The following SLC37A3 variants were observed in gnomAD, a reference collection of about 807,000 sequenced individuals.
SLC37A3 encodes the protein solute carrier family 37 member 3.
Under a neutral mutation model 67.1 loss-of-function variants are expected in SLC37A3, and 51 were observed. The observed-to-expected ratio is 0.76, with a 90% CI of 0.61 to 0.96. The LOEUF (loss-of-function observed/expected upper bound fraction) is 0.96. Ranked by LOEUF, SLC37A3 falls within the 40% of genes least tolerant of loss-of-function variation. The pLI is 0.00. For synonymous variants in SLC37A3, 214 were observed against 231.4 expected (o/e 0.92, Z 0.68); for missense variants, 508 against 603.0 (o/e 0.84, Z 1.65).
At position 140,349,121 on chromosome 7, in the gene SLC37A3, A is replaced by G. The variant is rs189695004; in HGVS notation, c.883-354T>C. On this transcript the variant is annotated intron_variant, in intron 9 of 14. Coordinates refer to ENST00000326232, the MANE Select transcript of SLC37A3 (RefSeq NM_207113.3). ...TACCCATATTTCTTTATTCACACAA[A>G]GAGGAATGGTATTCATGCCACTAAC... 2.3e-3 allele frequency among the ~76,000 whole-genome samples: 355 copies of G among 152,310 alleles called. 3 individuals are homozygous for G. Among genetic ancestry groups the G allele is most frequent in the South Asian group, 0.018 (88 of 4,828 alleles).
chr7:140,342,010 T>C (rs1380176269), intron 13 of SLC37A3, among the ~76,000 whole-genome samples: 1 of 152,182 alleles, frequency 6.6e-6, no homozygotes, highest in African/African-American at 2.4e-5. Flanking sequence ...TATAATCAAA[T>C]ATGCCAAGCA....
chr7:140,362,558 G>A, intron 5 of SLC37A3, among the ~76,000 whole-genome samples: 1 of 125,504 alleles, frequency 8.0e-6, no homozygotes, highest in Non-Finnish European at 1.7e-5. Context: ...TGGGGGGTCA[G>A]CCCCCCGCCC....
At chr7:140,340,441 C>T (rs974392181) in intron 13 of SLC37A3, among the ~76,000 whole-genome samples, 1 of 151,816 alleles carries the variant, frequency 6.6e-6, no homozygotes, top group East Asian at 1.9e-4. Flanking sequence ...TCAATTTGGC[C>T]GCAGACACAA....
intron 1 of SLC37A3, among the ~76,000 whole-genome samples, chr7:140,389,373 C>G (rs1255204210): frequency 6.6e-6 from 1 of 152,146 alleles, no homozygotes; most frequent in Non-Finnish European, 1.5e-5. Flanking sequence ...GCTCAACCAG[C>G]TCTGCCATCC....
intron 1 of SLC37A3, chr7:140,387,011 T>C (rs1307792283): frequency 6.6e-6 from 1 of 152,212 alleles, no homozygotes; most frequent in African/African-American, 2.4e-5. Flanking sequence ...TATATATATT[T>C]ATCATGTACA....
rs1796506375 is a variant in SLC37A3 at position 140,345,208 on chromosome 7, T to A, written c.1174+8A>T. ...AGAAGCATGGTGGAGCAGAGCCATG[T>A]GCCGTACCTGTAACAGTCATCAGAA... On this transcript the variant is annotated splice_region_variant and intron_variant, in intron 12 of 14. Transcript: ENST00000326232. 6.2e-7 allele frequency: 1 copy of A among 1,612,488 alleles called. No homozygotes were observed. Among genetic ancestry groups the A allele is most frequent in the African/African-American group, 1.3e-5 (1 of 74,884 alleles).
rs1491584508 is a variant in SLC37A3, at chr7:140,387,809, A to AT, written c.-70-5214_-70-5213insA. Among the ~76,000 whole-genome samples, 15 of 2,364 alleles carry AT rather than the reference A, an allele frequency of 6.3e-3. 3 individuals are homozygous for AT. The highest frequency in any genetic ancestry group is 0.032 in the Admixed American group (3 of 94). The allele number at this position is 2,364 out of a possible 152,430, so 1.6% of individuals were successfully genotyped here. On this transcript the variant is annotated intron_variant, in intron 1 of 14. Transcript: ENST00000326232. ...TAAATATATTATATATATTATACAT[A>AT]AATATAAATATATTATATATATTAT...
In SLC37A3 at chr7:140,352,158, G is replaced by A. The variant is rs1796836894; in HGVS notation, c.619-12C>T. Reference sequence around the variant, plus strand: ...ACCAGAAAGGCATACTGGAGGAGAGGGGTGAAAGGTGGTCCTTACATATCT... The same window carrying A: ...ACCAGAAAGGCATACTGGAGGAGAGAGGTGAAAGGTGGTCCTTACATATCT... On this transcript the variant is annotated splice_polypyrimidine_tract_variant and intron_variant, in intron 7 of 14. Coordinates refer to ENST00000326232, the MANE Select transcript of SLC37A3 (RefSeq NM_207113.3). 2.5e-6 allele frequency: 4 copies of A among 1,608,678 alleles called. No individual in the cohort carries two copies. The highest frequency in any genetic ancestry group is 1.7e-5 in the Admixed American group (1 of 59,506).
intron 7 of SLC37A3, among the ~76,000 whole-genome samples, chr7:140,352,742 G>A (rs972183244): frequency 2.6e-5 from 4 of 152,284 alleles, no homozygotes; most frequent in African/African-American, 4.8e-5. Flanking sequence ...CTTACTGCAC[G>A]ACTCAAGGAG....
chr7:140,378,237 C>T (rs1214613140), intron 3 of SLC37A3, among the ~76,000 whole-genome samples: 1 of 152,096 alleles, frequency 6.6e-6, no homozygotes, highest in East Asian at 1.9e-4. Flanking sequence ...AATGTTTTGC[C>T]TAAACAGAAA....
At chr7:140,361,524 CCTCCCCCTCCCT>C (rs1443506100) in intron 5 of SLC37A3, among the ~76,000 whole-genome samples, 2 of 100,450 alleles carry the variant, frequency 2.0e-5, no homozygotes, top group African/African-American at 8.6e-5. Flanking sequence ...TCCCCCTCCC[CCTCCCCCTCCCT>C]CTCTCCCTCT....
At chr7:140,338,560 C>T (rs1796234762) in intron 13 of SLC37A3, among the ~76,000 whole-genome samples, 1 of 152,104 alleles carries the variant, frequency 6.6e-6, no homozygotes, top group South Asian at 2.1e-4. Context: ...CAACCTCTGT[C>T]TCCCAGGTTC....
At chr7:140,364,682 A>C (rs182589121) in intron 4 of SLC37A3, among the ~76,000 whole-genome samples, 191 bp from the exon 5 acceptor site, 26 of 152,238 alleles carry the variant, frequency 1.7e-4, no homozygotes, top group Admixed American at 1.4e-3. Flanking sequence ...TAACATGGTC[A>C]GTAATACAGT....
intron 5 of SLC37A3, 47 bp from the exon 6 acceptor site, chr7:140,358,832 C>T (rs749045518): frequency 9.3e-6 from 15 of 1,607,780 alleles, no homozygotes; most frequent in Non-Finnish European, 1.3e-5. Flanking sequence ...CACACTGACA[C>T]TTTCAGTGGA....
rs531847338 is a variant in SLC37A3, at chr7:140,364,505, ATT to A, written c.292-16_292-15del. The A allele has an allele frequency of 4.9e-4, 793 of 1,611,804 alleles. 14 individuals are homozygous for A. In the South Asian group the frequency reaches 8.2e-3, roughly 17 times the overall value. ...GATGAATAGGCCCTAAAAATAAAGCATTTTCTTTTACAGCTCTAAATAATAAC... is the reference window on the plus strand; with the variant it reads ...GATGAATAGGCCCTAAAAATAAAGCATTCTTTTACAGCTCTAAATAATAAC... On this transcript the variant is annotated splice_polypyrimidine_tract_variant and intron_variant, in intron 4 of 14. Coordinates refer to ENST00000326232, the MANE Select transcript of SLC37A3 (RefSeq NM_207113.3).
intron 1 of SLC37A3, among the ~76,000 whole-genome samples, chr7:140,391,007 T>C (rs1254767785): frequency 6.6e-6 from 1 of 152,144 alleles, no homozygotes; most frequent in East Asian, 1.9e-4. Flanking sequence ...AGCAGGCTGA[T>C]TTCACTTTTT....
chr7:140,396,260 T>C (rs1798923282), intron 1 of SLC37A3, among the ~76,000 whole-genome samples: 1 of 151,942 alleles, frequency 6.6e-6, no homozygotes, highest in African/African-American at 2.4e-5. Context: ...CCTTAAGAGA[T>C]AGATCCTCCT....
At chr7:140,346,317 T>C (rs902004048) in intron 10 of SLC37A3, among the ~76,000 whole-genome samples, 1 of 152,042 alleles carries the variant, frequency 6.6e-6, no homozygotes, top group African/African-American at 2.4e-5. Context: ...GAGGCGGAGC[T>C]TGCAGTGAGC....
chr7:140,394,754 A>T (rs939334568), intron 1 of SLC37A3, among the ~76,000 whole-genome samples: 1 of 151,450 alleles, frequency 6.6e-6, no homozygotes. Flanking sequence ...GACTACAGGC[A>T]TGCACCACCA....
Sources: allele counts gnomAD v4.1 joint callset (sites outside exome capture counted in the v4.1 genomes callset), GRCh38; gene constraint gnomAD v4.1.1; transcripts MANE v1.5; gene names NCBI Gene and HGNC (gene_info 2026-07-23, HGNC 2026-07-21).